The following IMMP2L variants were observed in gnomAD, a reference collection of about 807,000 sequenced individuals.
The protein encoded by IMMP2L is mitochondrial inner membrane protease subunit 2.
Under a neutral mutation model 19.3 loss-of-function variants are expected in IMMP2L, and 18 were observed. The ratio of observed to expected loss-of-function variants is 0.93; its 90% CI spans 0.64 to 1.38. IMMP2L has a LOEUF of 1.38. IMMP2L is among the 40% of genes most tolerant of loss of function. The pLI is 0.00. For synonymous variants in IMMP2L, 76 were observed against 73.0 expected, an observed-to-expected ratio of 1.04 and a Z score of -0.21; for missense variants, 233 against 218.2, an observed-to-expected ratio of 1.07 and a Z score of -0.43.
At chr7:110,885,691 T>C (rs1210406438) in intron 5 of IMMP2L, among the ~76,000 whole-genome samples, 1 of 152,062 alleles carries the variant, frequency 6.6e-6, no homozygotes, top group East Asian at 1.9e-4. Flanking sequence ...TATGCCACTT[T>C]GACGTAAGGA....
At chr7:110,797,097 C>T (rs1319871322) in intron 5 of IMMP2L, among the ~76,000 whole-genome samples, 1 of 151,916 alleles carries the variant, frequency 6.6e-6, no homozygotes, top group Non-Finnish European at 1.5e-5. Context: ...ATCTATGGAA[C>T]TTTGATTCTC....
intron 5 of IMMP2L, among the ~76,000 whole-genome samples, chr7:110,863,664 G>T (rs1227231855): frequency 6.6e-6 from 1 of 152,022 alleles, no homozygotes. Context: ...AAAACAAACT[G>T]GTACTCAACA....
chr7:111,051,571 T>G (rs1010349365), intron 3 of IMMP2L, among the ~76,000 whole-genome samples: 6 of 152,184 alleles, frequency 3.9e-5, no homozygotes, highest in African/African-American at 1.4e-4. Context: ...TCACTATAGC[T>G]CAAGCTTTCG....
chr7:111,180,966 AATG>A (rs1480900385), intron 3 of IMMP2L, among the ~76,000 whole-genome samples: 1 of 152,072 alleles, frequency 6.6e-6, no homozygotes, highest in East Asian at 1.9e-4. Flanking sequence ...GAACAAGGAA[AATG>A]ATATTAATTT....
At chr7:110,796,068 A>T (rs1002810485) in intron 5 of IMMP2L, among the ~76,000 whole-genome samples, 1 of 152,020 alleles carries the variant, frequency 6.6e-6, no homozygotes, top group African/African-American at 2.4e-5. Flanking sequence ...TGGTTTTATA[A>T]GGGGCCTTCC....
chr7:110,714,173 T>C (rs529180854), intron 5 of IMMP2L, among the ~76,000 whole-genome samples: 42 of 152,362 alleles, frequency 2.8e-4, no homozygotes, highest in Middle Eastern at 3.4e-3. Flanking sequence ...TTTCCAAATC[T>C]ATTGAGATGA....
At chr7:111,534,141 T>C (rs930313192) in intron 1 of IMMP2L, among the ~76,000 whole-genome samples, 1 of 152,124 alleles carries the variant, frequency 6.6e-6, no homozygotes, top group African/African-American at 2.4e-5. Flanking sequence ...TACCAAAATG[T>C]TACATGAATA....
chr7:111,253,676 T>A (rs530955436), intron 3 of IMMP2L, among the ~76,000 whole-genome samples: 1 of 152,120 alleles, frequency 6.6e-6, no homozygotes, highest in Non-Finnish European at 1.5e-5. Flanking sequence ...TGCAAACTAA[T>A]TGAGGTCAAG....
intron 5 of IMMP2L, among the ~76,000 whole-genome samples, chr7:110,876,034 C>T (rs1034412727): frequency 4.0e-5 from 6 of 151,894 alleles, no homozygotes; most frequent in African/African-American, 1.5e-4. Context: ...TTCAAAAAAA[C>T]GGATACATTT....
chr7:111,346,090 T>C (rs1827511970), intron 3 of IMMP2L, among the ~76,000 whole-genome samples: 1 of 152,194 alleles, frequency 6.6e-6, no homozygotes, highest in Admixed American at 6.6e-5. Flanking sequence ...GTCATTGCTA[T>C]ATTTCAATGA....
chr7:111,304,833 A>T (rs1822688061), intron 3 of IMMP2L, among the ~76,000 whole-genome samples: 2 of 151,858 alleles, frequency 1.3e-5, no homozygotes, highest in African/African-American at 2.4e-5. Flanking sequence ...AGAAAGTTTA[A>T]ACCTTACCTT....
chr7:110,956,853 G>C (rs1315074709), intron 4 of IMMP2L, among the ~76,000 whole-genome samples: 1 of 151,962 alleles, frequency 6.6e-6, no homozygotes, highest in Admixed American at 6.6e-5. Context: ...AAATGTTGAT[G>C]CCTTAACAAT....
chr7:110,874,646 T>A (rs1056774275), intron 5 of IMMP2L, among the ~76,000 whole-genome samples: 1 of 152,040 alleles, frequency 6.6e-6, no homozygotes, highest in South Asian at 2.1e-4. Flanking sequence ...TAGAGAAATA[T>A]TATGTGACTA....
At chr7:111,196,004 C>G (rs1809456457) in intron 3 of IMMP2L, among the ~76,000 whole-genome samples, 1 of 151,924 alleles carries the variant, frequency 6.6e-6, no homozygotes, top group Admixed American at 6.6e-5. Flanking sequence ...CAGCTAGTAC[C>G]ACAGGTGGGG....
At chr7:111,524,077 T>C (rs1846606768) in intron 1 of IMMP2L, among the ~76,000 whole-genome samples, 1 of 152,118 alleles carries the variant, frequency 6.6e-6, no homozygotes, top group Non-Finnish European at 1.5e-5. Flanking sequence ...TTGACATATT[T>C]ATCAAATCAG....
chr7:111,030,404 T>A (rs1827287546), intron 3 of IMMP2L, among the ~76,000 whole-genome samples: 1 of 152,206 alleles, frequency 6.6e-6, no homozygotes, highest in Admixed American at 6.5e-5. Context: ...GATCTCATAA[T>A]GAATGCCAAC....
chr7:110,815,769 A>C (rs1003547204), intron 5 of IMMP2L, among the ~76,000 whole-genome samples: 7 of 152,058 alleles, frequency 4.6e-5, no homozygotes, highest in African/African-American at 1.4e-4. Context: ...TGTTTGTATT[A>C]TTCTCTGATG....
At chr7:111,257,440 A>T (rs1273270216) in intron 3 of IMMP2L, among the ~76,000 whole-genome samples, 1 of 152,124 alleles carries the variant, frequency 6.6e-6, no homozygotes, top group Non-Finnish European at 1.5e-5. Flanking sequence ...CATTTACACA[A>T]TCACCCATTT....
chr7:111,421,633 C>T (rs1421396351), intron 3 of IMMP2L, among the ~76,000 whole-genome samples: 10 of 151,526 alleles, frequency 6.6e-5, no homozygotes, highest in Admixed American at 1.3e-4. Flanking sequence ...CTTTGTCAGA[C>T]GGGTAGATTG....
Sources: gnomAD v4.1 joint callset for allele counts (sites outside exome capture counted in the v4.1 genomes callset) on GRCh38, gnomAD v4.1.1 for gene constraint, MANE v1.5 for transcripts, NCBI Gene and HGNC (gene_info 2026-07-23, HGNC 2026-07-21) for gene names.